Variants in SIL1 observed in about 807,000 individuals in gnomAD.
SIL1 encodes nucleotide exchange factor SIL1.
Under a neutral mutation model 49.1 loss-of-function variants are expected in SIL1, and 40 were observed. That is an observed-to-expected ratio of 0.81 (90% CI 0.63 to 1.06). SIL1 has a LOEUF of 1.06. Ranked by LOEUF, SIL1 falls within the 50% of genes least tolerant of loss-of-function variation. SIL1 has a pLI of 0.00. For missense variants in SIL1, 500 were observed against 572.6 expected (o/e 0.87, Z 1.29); for synonymous variants, 253 against 250.8 (o/e 1.01, Z -0.08).
At chr5:139,195,222 G>T (rs186177762) in intron 1 of SIL1, among the ~76,000 whole-genome samples, 1 of 151,766 alleles carries the variant, frequency 6.6e-6, no homozygotes, top group African/African-American at 2.4e-5. Context: ...GTGAGCCACC[G>T]CACCCGGCCA....
Position 139,103,302 on chromosome 5 carries a change from T to G in SIL1, c.244+17733A>C, listed in dbSNP as rs866714432. Among the ~76,000 whole-genome samples the G allele has an allele frequency of 2.0e-5, 3 of 152,336 alleles. No individual in the cohort carries two copies. The South Asian group carries it at 6.2e-4, about 32-fold the overall frequency. On this transcript the variant is annotated intron_variant, in intron 3 of 9. Transcript: ENST00000394817. ...TTCTGATTCTTTGCACCACAGCAAG[T>G]ATTCCTCTTTTGCCTTTCCCCCTGC...
rs1767512819 is a variant in SIL1 at position 138,981,240 on chromosome 5, C to G, written c.768-29356G>C. Among the ~76,000 whole-genome samples, 3 of 150,806 alleles carry G rather than the reference C, an allele frequency of 2.0e-5. No homozygotes were observed. The South Asian group carries it at 6.3e-4, about 32-fold the overall frequency. ...AAAAAAAAAAAAAAAAAAAGTTTACCCTGGGTGCCTGTCTCCAGTAAGAAG... is the reference window on the plus strand; with the variant it reads ...AAAAAAAAAAAAAAAAAAAGTTTACGCTGGGTGCCTGTCTCCAGTAAGAAG... On this transcript the variant is annotated intron_variant, in intron 7 of 9. Coordinates refer to ENST00000394817, the MANE Select transcript of SIL1 (RefSeq NM_022464.5).
chr5:138,976,118 T>C (rs772224043), intron 7 of SIL1, among the ~76,000 whole-genome samples: 15 of 152,112 alleles, frequency 9.9e-5, no homozygotes, highest in Non-Finnish European at 1.3e-4. Flanking sequence ...TAGAACACTA[T>C]ATGAGAAAAA....
chr5:139,121,353 T>A (rs984136454), intron 2 of SIL1, among the ~76,000 whole-genome samples, 180 bp from the exon 3 acceptor site: 2 of 152,204 alleles, frequency 1.3e-5, no homozygotes, highest in African/African-American at 4.8e-5. Context: ...TGTGAGGTGA[T>A]ATGGCTAAAT....
At chr5:139,134,127 T>G (rs1750924559) in intron 1 of SIL1, among the ~76,000 whole-genome samples, 1 of 152,210 alleles carries the variant, frequency 6.6e-6, no homozygotes, top group South Asian at 2.1e-4. Flanking sequence ...GTTGTTTTGT[T>G]TGTTTTCTGA....
intron 1 of SIL1, chr5:139,196,609 T>A (rs1752278719): frequency 6.6e-6 from 1 of 152,222 alleles, no homozygotes; most frequent in African/African-American, 2.4e-5. Context: ...GCCGCATCCC[T>A]ACTAACATTT....
chr5:139,080,695 T>C (rs1770054161), intron 3 of SIL1, among the ~76,000 whole-genome samples: 1 of 152,184 alleles, frequency 6.6e-6, no homozygotes, highest in Non-Finnish European at 1.5e-5. Flanking sequence ...TAAAAATGCT[T>C]TTAGATCAAT....
intron 5 of SIL1, chr5:139,035,607 G>C: frequency 1.2e-5 from 4 of 341,978 alleles, no homozygotes; most frequent in African/African-American, 2.2e-5. Context: ...CAGACATGGC[G>C]CCCATTTCAC....
At chr5:139,177,556 C>T (rs1477225107) in intron 1 of SIL1, among the ~76,000 whole-genome samples, 1 of 152,034 alleles carries the variant, frequency 6.6e-6, no homozygotes, top group Non-Finnish European at 1.5e-5. Flanking sequence ...GAGATTCTAA[C>T]TAAAGTCAGC....
intron 7 of SIL1, among the ~76,000 whole-genome samples, chr5:138,999,854 C>T (rs759617955): frequency 2.6e-5 from 4 of 152,120 alleles, no homozygotes; most frequent in Non-Finnish European, 4.4e-5. Flanking sequence ...ACCATGATTG[C>T]ACCACAGCAC....
At chr5:139,057,018 C>T (rs1207269397) in intron 3 of SIL1, among the ~76,000 whole-genome samples, 2 of 152,080 alleles carry the variant, frequency 1.3e-5, no homozygotes, top group African/African-American at 2.4e-5. Context: ...GTGACCTTAC[C>T]CCCAACCCTG....
intron 2 of SIL1, 107 bp downstream of exon 2, chr5:139,127,628 TAAGA>T (rs967295520): frequency 2.4e-6 from 2 of 842,288 alleles, no homozygotes; most frequent in Non-Finnish European, 3.9e-6. Context: ...CACACTCACA[TAAGA>T]AAGAAACATA....
At chr5:138,968,371 T>C (rs1267429907) in intron 7 of SIL1, among the ~76,000 whole-genome samples, 1 of 152,146 alleles carries the variant, frequency 6.6e-6, no homozygotes, top group Non-Finnish European at 1.5e-5. Context: ...ACCAAAGTGA[T>C]GAGGAGGGAG....
chr5:138,954,426 T>A (rs993658475), intron 7 of SIL1, among the ~76,000 whole-genome samples: 2 of 152,244 alleles, frequency 1.3e-5, no homozygotes, highest in African/African-American at 4.8e-5. Context: ...GAGGTACCCA[T>A]GGAACCCTGG....
intron 7 of SIL1, among the ~76,000 whole-genome samples, chr5:139,018,540 A>C (rs1030572347): frequency 4.7e-5 from 7 of 150,488 alleles, no homozygotes; most frequent in Admixed American, 4.6e-4. Flanking sequence ...CAGTGAGCCA[A>C]GATCGGGCCA....
chr5:139,026,410 T>C (rs1311819095), intron 6 of SIL1, among the ~76,000 whole-genome samples: 1 of 152,156 alleles, frequency 6.6e-6, no homozygotes, highest in African/African-American at 2.4e-5. Context: ...AAGACCAGCC[T>C]GGCCAACATA....
rs140792595 is a variant in SIL1 at position 139,040,484 on chromosome 5, C to CTTTTTTTTTT, written c.453+2135_453+2136insAAAAAAAAAA. Among the ~76,000 whole-genome samples the CTTTTTTTTTT allele has an allele frequency of 2.3e-4, 21 of 89,416 alleles. 2 individuals are homozygous for CTTTTTTTTTT. Among genetic ancestry groups the CTTTTTTTTTT allele is most frequent in the African/African-American group, 4.6e-4 (9 of 19,520 alleles). The allele number at this position is 89,416 out of a possible 152,430, so 58.7% of individuals were successfully genotyped here. A position where few individuals can be genotyped will look rare whatever the true frequency, so the allele number is the denominator to read the frequency against. The stretch of plus-strand genomic sequence containing the variant: ...TTGCAAGGGGAGAGGAGTATTTTTT[C>CTTTTTTTTTT]TTTTTTCTTTTTTCTTTTTTTTTTT... On this transcript the variant is annotated intron_variant, in intron 5 of 9. Coordinates refer to ENST00000394817, the MANE Select transcript of SIL1 (RefSeq NM_022464.5).
chr5:139,104,401 C>T (rs542218528), intron 3 of SIL1, among the ~76,000 whole-genome samples: 1 of 152,300 alleles, frequency 6.6e-6, no homozygotes, highest in East Asian at 1.9e-4. Context: ...CCTCTGATTC[C>T]CCAAAGTCCC....
In SIL1 at chr5:138,947,549, C is replaced by G; in HGVS notation, c.1030-76G>C. ...CACACAGGGAGCAGTTAGCTCACAC[C>G]TGGCTAGCTCTGCCCTTCAGACAGG... On this transcript the variant is annotated intron_variant, in intron 9 of 9. Coordinates refer to ENST00000394817, the MANE Select transcript of SIL1 (RefSeq NM_022464.5). The surrounding 1 kb of genome is among the most constrained non-coding windows in gnomAD (Gnocchi z 4.1). The G allele has an allele frequency of 7.7e-7, 1 of 1,298,358 alleles. No individual in the cohort carries two copies. Among genetic ancestry groups the G allele is most frequent in the Non-Finnish European group, 1.1e-6 (1 of 894,428 alleles). The allele number at this position is 1,298,358 out of a possible 1,614,324, so 80.4% of individuals were successfully genotyped here. A position where few individuals can be genotyped will look rare whatever the true frequency, so the allele number is the denominator to read the frequency against.
Sources: gnomAD v4.1 joint callset for allele counts (sites outside exome capture counted in the v4.1 genomes callset) on GRCh38, gnomAD v4.1.1 for gene constraint, Gnocchi (gnomAD v3.1) non-coding constraint, MANE v1.5 for transcripts, NCBI Gene and HGNC (gene_info 2026-07-23, HGNC 2026-07-21) for gene names.